The following DDX60L variants were observed in gnomAD, a reference collection of about 807,000 sequenced individuals.
DDX60L encodes probable ATP-dependent RNA helicase DDX60-like.
A neutral mutation model predicts 211.6 loss-of-function variants in DDX60L; 191 were observed. The observed-to-expected ratio is 0.90, with a 90% CI of 0.80 to 1.02. DDX60L has a LOEUF of 1.02. DDX60L is among the 50% of genes least tolerant of loss of function. DDX60L has a pLI of 0.00. For synonymous variants in DDX60L, 706 were observed against 694.1 expected, an observed-to-expected ratio of 1.02 and a Z score of -0.27; for missense variants, 2,007 against 1,984.1, an observed-to-expected ratio of 1.01 and a Z score of -0.22.
At chr4:168,420,035 A>T (rs1750235133) in intron 18 of DDX60L, among the ~76,000 whole-genome samples, 1 of 152,190 alleles carries the variant, frequency 6.6e-6, no homozygotes. Flanking sequence ...ATAACTTTCT[A>T]TTTGAAATTT....
intron 36 of DDX60L, among the ~76,000 whole-genome samples, chr4:168,361,965 C>A (rs1019140698): frequency 6.6e-6 from 1 of 152,224 alleles, no homozygotes; most frequent in African/African-American, 2.4e-5. Flanking sequence ...ATCCCTGAAG[C>A]CCCACTATCA....
intron 14 of DDX60L, among the ~76,000 whole-genome samples, chr4:168,424,328 C>T (rs76695300): frequency 6.6e-6 from 1 of 152,324 alleles, no homozygotes; most frequent in East Asian, 1.9e-4. Context: ...CTCCTAAGCC[C>T]TTCTATTACC....
Position 168,431,193 on chromosome 4 carries a change from T to C in DDX60L, c.1517-555A>G, listed in dbSNP as rs182554427. On this transcript the variant is annotated intron_variant, in intron 12 of 37. Transcript: ENST00000682922. ...GGAGCTTACAGCTGACAGATGCTGA[T>C]ACCAATTACCTTACACCATGCAAAA... Among the ~76,000 whole-genome samples the C allele has an allele frequency of 1.6e-3, 243 of 152,300 alleles. 6 individuals are homozygous for C. The highest frequency in any genetic ancestry group is 0.016 in the Admixed American group (242 of 15,296).
intron 20 of DDX60L, among the ~76,000 whole-genome samples, chr4:168,416,127 A>G (rs1749523715): frequency 6.6e-6 from 1 of 152,208 alleles, no homozygotes; most frequent in South Asian, 2.1e-4. Flanking sequence ...CGTCGCTGTT[A>G]CCAGGAAAAA....
chr4:168,449,805 TA>T (rs777111638), intron 8 of DDX60L, among the ~76,000 whole-genome samples: 2,610 of 77,746 alleles, frequency 0.034, 35 homozygotes, highest in Admixed American at 0.065. Context: ...TGGGTAAAAA[TA>T]AAAAAAAAAA....
At chr4:168,410,076 C>T (rs971574352) in intron 22 of DDX60L, among the ~76,000 whole-genome samples, 4 of 151,790 alleles carry the variant, frequency 2.6e-5, no homozygotes, top group Non-Finnish European at 2.9e-5. Context: ...ATAAGGTAAT[C>T]CAGGGGTGAA....
chr4:168,408,612 T>A (rs1408993937), intron 22 of DDX60L, among the ~76,000 whole-genome samples: 1 of 148,366 alleles, frequency 6.7e-6, no homozygotes, highest in Non-Finnish European at 1.5e-5. Context: ...ATGCTCCTTT[T>A]GAAAAAAAAA....
chr4:168,438,134 A>G (rs549128007), intron 10 of DDX60L, among the ~76,000 whole-genome samples: 464 of 152,220 alleles, frequency 3.0e-3, no homozygotes, highest in African/African-American at 0.01. Context: ...CGGCCTCCCA[A>G]AGTGCTGGGA....
At position 168,448,660 on chromosome 4, in the gene DDX60L, G is replaced by A. The variant is rs2150038233; in HGVS notation, c.1116C>T (p.Tyr372=). The A allele has an allele frequency of 6.4e-7, 1 of 1,567,978 alleles. No individual in the cohort carries two copies. The highest frequency in any genetic ancestry group is 8.7e-7 in the Non-Finnish European group (1 of 1,145,766). ...TACCTTGAGTACTTTCAAATTCATAGTAGAAGGCTATATTCTTTAACAATT... is the reference window on the plus strand; with the variant it reads ...TACCTTGAGTACTTTCAAATTCATAATAGAAGGCTATATTCTTTAACAATT... ...DEQLLKNIAF[Y]YEFESTQEPH... Residue 372 remains tyrosine (Y), a synonymous_variant, in exon 9 of 38, where the codon TAC becomes TAT. Coordinates refer to ENST00000682922, the MANE Select transcript of DDX60L (RefSeq NM_001012967.3).
rs749907337 is a variant in DDX60L, at chr4:168,448,637, C to T, written c.1138+1G>A. 18 of 1,532,708 alleles carry T rather than the reference C, an allele frequency of 1.2e-5. No individual in the cohort carries two copies. In the East Asian group the frequency reaches 3.3e-4, roughly 28 times the overall value. The allele number at this position is 1,532,708 out of a possible 1,614,324, so 94.9% of individuals were successfully genotyped here. A position where few individuals can be genotyped will look rare whatever the true frequency, so the allele number is the denominator to read the frequency against. On this transcript the variant is annotated splice_donor_variant, in intron 9 of 37. Transcript: ENST00000682922. LOFTEE classifies it high-confidence loss of function. The stretch of plus-strand genomic sequence containing the variant: ...AATGTTAATGCATATTCAGGTACTA[C>T]CTTGAGTACTTTCAAATTCATAGTA...
rs1191653291 is a variant in DDX60L, at chr4:168,396,117, T to A, written c.3499A>T (p.Lys1167Ter). 2 of 1,487,920 alleles carry A rather than the reference T, an allele frequency of 1.3e-6. No individual in the cohort carries two copies. Among genetic ancestry groups the A allele is most frequent in the Non-Finnish European group, 1.8e-6 (2 of 1,111,488 alleles). 92.2% of individuals were successfully genotyped at this position (1,487,920 alleles called of 1,614,324 possible). Residue 1167 changes from lysine (K) to a stop codon, truncating the protein, a stop_gained, in exon 27 of 38, where the codon AAA becomes TAA. Transcript: ENST00000682922. LOFTEE classifies it high-confidence loss of function. ...AGTTTTTCAGCCTTCTTTGGGTTTT[T>A]TTTAGTGCTACTATTTAAAAAAAAA... ...VRKTQKRITK[K>*]NPKKAEKLER...
chr4:168,431,048 A>G (rs1329265974), intron 12 of DDX60L, among the ~76,000 whole-genome samples: 2 of 152,226 alleles, frequency 1.3e-5, no homozygotes, highest in Non-Finnish European at 2.9e-5. Context: ...TTGGTTTGCA[A>G]AGCCTAAAAT....
intron 27 of DDX60L, among the ~76,000 whole-genome samples, chr4:168,394,937 G>A (rs1745517026): frequency 6.6e-6 from 1 of 152,164 alleles, no homozygotes; most frequent in African/African-American, 2.4e-5. Context: ...GGAACCTTAG[G>A]AGTCCTTTTC....
chr4:168,401,859 T>C (rs375740229), intron 25 of DDX60L, among the ~76,000 whole-genome samples: 2 of 152,200 alleles, frequency 1.3e-5, no homozygotes, highest in South Asian at 2.1e-4. Context: ...CAGTCTACTA[T>C]GCATGGTAAG....
intron 10 of DDX60L, among the ~76,000 whole-genome samples, chr4:168,440,800 C>A (rs1378511030): frequency 6.6e-6 from 1 of 152,090 alleles, no homozygotes; most frequent in Non-Finnish European, 1.5e-5. Flanking sequence ...AATTCAATAG[C>A]CAATAGGAAA....
chr4:168,396,867 T>C (rs1172963788), intron 26 of DDX60L, among the ~76,000 whole-genome samples: 1 of 152,134 alleles, frequency 6.6e-6, no homozygotes, highest in Admixed American at 6.5e-5. Flanking sequence ...AACGTCTGAA[T>C]TAGAAGGGCT....
In DDX60L at chr4:168,406,983, C is replaced by G. The variant is rs1318412897; in HGVS notation, c.2980-277G>C. ...ATTTGCACTAGATAATAAACTAACA[C>G]TGCTCTATGAAACTTCCTTAGAATG... On this transcript the variant is annotated intron_variant, in intron 22 of 37. Coordinates refer to ENST00000682922, the MANE Select transcript of DDX60L (RefSeq NM_001012967.3). Among the ~76,000 whole-genome samples, 4 of 152,326 alleles carry G rather than the reference C, an allele frequency of 2.6e-5. No homozygotes were observed. In the East Asian group the frequency reaches 5.8e-4, roughly 22 times the overall value.
rs141003896 is a variant in DDX60L, at chr4:168,471,359, A to G, written c.264+388T>C. On this transcript the variant is annotated intron_variant, in intron 4 of 37. Coordinates refer to ENST00000682922, the MANE Select transcript of DDX60L (RefSeq NM_001012967.3). ...TAGATATTTGCTCTACAACCTTTCA[A>G]CTTACCTGTATTTGAAATTTTATAA... 9.0e-3 allele frequency: 1,390 copies of G among 155,092 alleles called. 29 individuals are homozygous for G. Among genetic ancestry groups the G allele is most frequent in the African/African-American group, 0.031 (1,307 of 41,628 alleles). The allele number at this position is 155,092 out of a possible 1,614,324, so 9.6% of individuals were successfully genotyped here. A position where few individuals can be genotyped will look rare whatever the true frequency, so the allele number is the denominator to read the frequency against.
chr4:168,471,658 G>T, intron 4 of DDX60L, 89 bp downstream of exon 4: 1 of 1,031,280 alleles, frequency 9.7e-7, no homozygotes, highest in Non-Finnish European at 1.4e-6. Context: ...ATGATGACAT[G>T]CTTCATTTTA....
Sources: allele counts gnomAD v4.1 joint callset (sites outside exome capture counted in the v4.1 genomes callset), GRCh38; gene constraint gnomAD v4.1.1; transcripts MANE v1.5; gene names NCBI Gene and HGNC (gene_info 2026-07-23, HGNC 2026-07-21).